Variants in PAK5 observed in about 807,000 individuals in gnomAD.
The protein encoded by PAK5 is serine/threonine-protein kinase PAK 5.
Under a neutral mutation model 65.9 loss-of-function variants are expected in PAK5, and 16 were observed. That is an observed-to-expected ratio of 0.24 (90% confidence interval 0.16 to 0.37). The LOEUF is 0.37. Among genes scored for constraint, PAK5 ranks in the 10% least tolerant of loss-of-function variants. The probability of loss-of-function intolerance (pLI) is 1.00; values close to 1 mark genes in which losing one functional copy is unlikely to be tolerated. For synonymous variants in PAK5, 371 were observed against 354.9 expected (o/e 1.05, Z -0.51); for missense variants, 785 against 903.9 (o/e 0.87, Z 1.69).
chr20:9,712,609 T>C (rs2048091566), intron 1 of PAK5, among the ~76,000 whole-genome samples: 1 of 152,114 alleles, frequency 6.6e-6, no homozygotes, highest in African/African-American at 2.4e-5. Flanking sequence ...AAGTACTTGA[T>C]TTCAGTTTAT....
intron 2 of PAK5, among the ~76,000 whole-genome samples, chr20:9,705,618 C>T (rs1353872294): frequency 1.3e-5 from 2 of 152,028 alleles, no homozygotes; most frequent in African/African-American, 4.8e-5. Context: ...TCCTGGAAAA[C>T]TCCTCAGTTC....
intron 1 of PAK5, among the ~76,000 whole-genome samples, chr20:9,789,244 T>C (rs1445114155): frequency 6.6e-6 from 1 of 152,208 alleles, no homozygotes; most frequent in African/African-American, 2.4e-5. Context: ...GCAGAAGTTA[T>C]GTCTTATTCA....
chr20:9,778,410 T>A (rs1944416703), intron 1 of PAK5, among the ~76,000 whole-genome samples: 1 of 152,052 alleles, frequency 6.6e-6, no homozygotes, highest in Non-Finnish European at 1.5e-5. Flanking sequence ...GCTAATTTTT[T>A]AATTGTTTGT....
intron 1 of PAK5, among the ~76,000 whole-genome samples, chr20:9,799,903 T>C (rs1457120214): frequency 1.7e-5 from 2 of 119,240 alleles, no homozygotes; most frequent in Non-Finnish European, 3.2e-5. Context: ...ACCACACCAC[T>C]GCACTCCAGC....
chr20:9,539,440 G>T lies in PAK5; in HGVS notation c.*22C>A. On this transcript the variant is annotated 3_prime_UTR_variant, in exon 10 of 10. Transcript: ENST00000353224. ...TATTCTCATGTCCTCATCTAGCTTTGCCACCTACACGAATCCTCTGCTCAG... is the reference window on the plus strand; with the variant it reads ...TATTCTCATGTCCTCATCTAGCTTTTCCACCTACACGAATCCTCTGCTCAG... The T allele has an allele frequency of 6.2e-7, 1 of 1,609,394 alleles. No individual in the cohort carries two copies. The highest frequency in any genetic ancestry group is 8.5e-7 in the Non-Finnish European group (1 of 1,176,198).
At chr20:9,729,190 G>A (rs1337928395) in intron 1 of PAK5, among the ~76,000 whole-genome samples, 1 of 151,674 alleles carries the variant, frequency 6.6e-6, no homozygotes, top group Non-Finnish European at 1.5e-5. Flanking sequence ...AGCCAAAATT[G>A]TGCCACTGCA....
rs543254776 is a variant in PAK5 at position 9,641,755 on chromosome 20, G to A, written c.204+2370C>T. Reference sequence around the variant, plus strand: ...CCCCGTGGGAAGGCAGCTAAGGCCCGGCGAGAAATCGAGCACAGCGCCGGT... The same window carrying A: ...CCCCGTGGGAAGGCAGCTAAGGCCCAGCGAGAAATCGAGCACAGCGCCGGT... On this transcript the variant is annotated intron_variant, in intron 3 of 9. Transcript: ENST00000353224. 7.1e-3 allele frequency among the ~76,000 whole-genome samples: 1,080 copies of A among 152,220 alleles called. 13 individuals carry two copies. Among genetic ancestry groups the A allele is most frequent in the African/African-American group, 0.023 (965 of 41,544 alleles).
At chr20:9,761,295 C>T (rs1307916184) in intron 1 of PAK5, among the ~76,000 whole-genome samples, 3 of 151,966 alleles carry the variant, frequency 2.0e-5, no homozygotes, top group African/African-American at 7.3e-5. Context: ...GTTACAGGCC[C>T]GTTTAGAATC....
intron 1 of PAK5, among the ~76,000 whole-genome samples, chr20:9,758,487 T>C (rs898065425): frequency 8.5e-5 from 13 of 152,178 alleles, no homozygotes; most frequent in Non-Finnish European, 1.5e-5. Context: ...CCATCTTCTA[T>C]CTCAGCGAGT....
At chr20:9,563,447 A>G (rs1431086211) in intron 5 of PAK5, among the ~76,000 whole-genome samples, 5 of 152,232 alleles carry the variant, frequency 3.3e-5, no homozygotes, top group African/African-American at 4.8e-5. Flanking sequence ...GAGTCCCACA[A>G]GTGAATGAAG....
intron 1 of PAK5, among the ~76,000 whole-genome samples, chr20:9,778,130 G>C (rs968387543): frequency 6.6e-6 from 1 of 152,078 alleles, no homozygotes; most frequent in African/African-American, 2.4e-5. Flanking sequence ...TCATTGATTT[G>C]GGTCTTGAGT....
rs373542457 is a variant in PAK5, at chr20:9,750,261, T to C, written c.-161-38826A>G. On this transcript the variant is annotated intron_variant, in intron 1 of 9. Transcript: ENST00000353224. ...ACAGAAATATTGTTAAATAGTCTAA[T>C]TCTATTTAACACAACTCTGCTTTAA... 2.4e-4 allele frequency among the ~76,000 whole-genome samples: 37 copies of C among 152,278 alleles called. 3 individuals carry two copies. Among genetic ancestry groups the C allele is most frequent in the Admixed American group, 1.1e-3 (17 of 15,274 alleles).
At chr20:9,717,962 C>T (rs1484015007) in intron 1 of PAK5, among the ~76,000 whole-genome samples, 2 of 152,068 alleles carry the variant, frequency 1.3e-5, no homozygotes, top group African/African-American at 4.8e-5. Flanking sequence ...GGACATTTTA[C>T]TCCTATATTG....
chr20:9,565,777 T>C (rs2045665308), intron 5 of PAK5, 116 bp downstream of exon 5: 3 of 1,058,956 alleles, frequency 2.8e-6, no homozygotes, highest in Middle Eastern at 2.1e-4. Flanking sequence ...GACGCTATTT[T>C]TGTCTTTATA....
In PAK5 at chr20:9,771,582, A is replaced by ATTTTTTTTTTTTTT. The variant is rs545140358; in HGVS notation, c.-161-60161_-161-60148dup. 7.3e-5 allele frequency among the ~76,000 whole-genome samples: 8 copies of ATTTTTTTTTTTTTT among 109,756 alleles called. 1 individual carries two copies. The highest frequency in any genetic ancestry group is 4.1e-4 in the Admixed American group (4 of 9,674). The allele number at this position is 109,756 out of a possible 152,430, so 72.0% of individuals were successfully genotyped here. ...GCCACCACATTCAGTCAATTTTTTAATTTTTTTTTTTTTTTTTTGTAGAAA... is the reference window on the plus strand; with the variant it reads ...GCCACCACATTCAGTCAATTTTTTAATTTTTTTTTTTTTTTTTTTTTTTTTTTTTTTTGTAGAAA... On this transcript the variant is annotated intron_variant, in intron 1 of 9. Coordinates refer to ENST00000353224, the MANE Select transcript of PAK5 (RefSeq NM_177990.4).
chr20:9,686,762 C>T (rs2047725014), intron 2 of PAK5, among the ~76,000 whole-genome samples: 1 of 152,186 alleles, frequency 6.6e-6, no homozygotes, highest in Admixed American at 6.5e-5. Context: ...GGGATGGATT[C>T]CCTTTCTTAT....
At chr20:9,822,767 A>T (rs527314376) in intron 1 of PAK5, among the ~76,000 whole-genome samples, 1 of 152,210 alleles carries the variant, frequency 6.6e-6, no homozygotes, top group African/African-American at 2.4e-5. Context: ...TGTGTTTCTA[A>T]GGGCTTTTCC....
chr20:9,678,691 G>A (rs1047009031), intron 2 of PAK5, among the ~76,000 whole-genome samples: 1 of 152,118 alleles, frequency 6.6e-6, no homozygotes, highest in Non-Finnish European at 1.5e-5. Flanking sequence ...GGCAGAAGGG[G>A]AAGCAAACAT....
At chr20:9,641,869 G>T (rs1056419651) in intron 3 of PAK5, among the ~76,000 whole-genome samples, 1 of 152,162 alleles carries the variant, frequency 6.6e-6, no homozygotes, top group African/African-American at 2.4e-5. Context: ...AGCAGGGCTG[G>T]CTGGGTGCTC....
Sources: gnomAD v4.1 joint callset for allele counts (sites outside exome capture counted in the v4.1 genomes callset) on GRCh38, gnomAD v4.1.1 for gene constraint, MANE v1.5 for transcripts, NCBI Gene and HGNC (gene_info 2026-07-23, HGNC 2026-07-21) for gene names.